SMYD3: variants seen among roughly 807,000 people sequenced by gnomAD.
The protein encoded by SMYD3 is histone-lysine N-methyltransferase SMYD3.
A neutral mutation model predicts 57.7 loss-of-function variants in SMYD3; 36 were observed. The ratio of observed to expected loss-of-function variants is 0.62; its 90% CI spans 0.48 to 0.82. The LOEUF is 0.82. SMYD3 is among the 40% of genes least tolerant of loss of function. The pLI, the probability that SMYD3 is intolerant of heterozygous loss-of-function variation, is 0.00. For missense variants in SMYD3, 515 were observed against 538.8 expected, an observed-to-expected ratio of 0.96 and a Z score of 0.44; for synonymous variants, 211 against 195.0, an observed-to-expected ratio of 1.08 and a Z score of -0.68.
intron 1 of SMYD3, among the ~76,000 whole-genome samples, chr1:246,501,463 G>T (rs1181680461): frequency 6.6e-6 from 1 of 152,122 alleles, no homozygotes; most frequent in African/African-American, 2.4e-5. Flanking sequence ...CGTACCTGTT[G>T]TATCAAGACA....
At chr1:246,422,143 G>A (rs1403945615) in intron 1 of SMYD3, among the ~76,000 whole-genome samples, 1 of 152,142 alleles carries the variant, frequency 6.6e-6, no homozygotes, top group East Asian at 1.9e-4. Flanking sequence ...TTGATGATAA[G>A]CCACAGATCA....
chr1:246,265,306 ATT>A (rs78360899), intron 5 of SMYD3, among the ~76,000 whole-genome samples: 112 of 148,242 alleles, frequency 7.6e-4, no homozygotes, highest in East Asian at 2.6e-3. Flanking sequence ...TAATTTTTGT[ATT>A]TTTTTTTTTT....
At chr1:246,220,872 G>A (rs2063242811) in intron 5 of SMYD3, among the ~76,000 whole-genome samples, 1 of 152,168 alleles carries the variant, frequency 6.6e-6, no homozygotes, top group Admixed American at 6.5e-5. Flanking sequence ...ACAACCAGCT[G>A]CAGAGAGGAG....
chr1:246,384,253 C>A (rs2066433422), intron 1 of SMYD3, among the ~76,000 whole-genome samples: 1 of 152,066 alleles, frequency 6.6e-6, no homozygotes, highest in African/African-American at 2.4e-5. Flanking sequence ...AAAATCAGGT[C>A]TCATAAACCT....
In SMYD3 at chr1:246,444,956, G is replaced by C. The variant is rs939931922; in HGVS notation, c.164+62098C>G. ...AAAGTCTGGGGTTTGGATTCCACCTGTACTACTTACTAGCCATGTGACTTT... is the reference window on the plus strand; with the variant it reads ...AAAGTCTGGGGTTTGGATTCCACCTCTACTACTTACTAGCCATGTGACTTT... On this transcript the variant is annotated intron_variant, in intron 1 of 11. Coordinates refer to ENST00000490107, the MANE Select transcript of SMYD3 (RefSeq NM_001167740.2). Among the ~76,000 whole-genome samples the C allele has an allele frequency of 2.0e-5, 3 of 152,200 alleles. No homozygotes were observed. The East Asian group carries it at 5.8e-4, about 29-fold the overall frequency.
At chr1:246,482,504 C>T (rs760744716) in intron 1 of SMYD3, among the ~76,000 whole-genome samples, 1 of 152,052 alleles carries the variant, frequency 6.6e-6, no homozygotes, top group Non-Finnish European at 1.5e-5. Context: ...TGTCGCCTTT[C>T]CTGGCCTACG....
chr1:246,451,654 T>A (rs2067634102), intron 1 of SMYD3, among the ~76,000 whole-genome samples: 1 of 152,156 alleles, frequency 6.6e-6, no homozygotes, highest in African/African-American at 2.4e-5. Flanking sequence ...ATGTCATGAG[T>A]AGAAGGTGAT....
At chr1:246,347,678 C>A (rs572891723) in intron 2 of SMYD3, among the ~76,000 whole-genome samples, 3 of 152,246 alleles carry the variant, frequency 2.0e-5, no homozygotes, top group African/African-American at 4.8e-5. Flanking sequence ...GGATTAATTC[C>A]AGTATTTGAT....
At chr1:245,831,097 T>A (rs2049805824) in intron 10 of SMYD3, among the ~76,000 whole-genome samples, 1 of 152,168 alleles carries the variant, frequency 6.6e-6, no homozygotes, top group African/African-American at 2.4e-5. Context: ...ACTTCAGAAA[T>A]CCGGTTCCAC....
At chr1:245,789,822 C>T (rs2047192395) in intron 10 of SMYD3, among the ~76,000 whole-genome samples, 1 of 152,244 alleles carries the variant, frequency 6.6e-6, no homozygotes, top group Non-Finnish European at 1.5e-5. Context: ...ATTATAGCTC[C>T]TTACATACTA....
chr1:246,033,246 C>A (rs2059710905), intron 5 of SMYD3, among the ~76,000 whole-genome samples: 1 of 151,966 alleles, frequency 6.6e-6, no homozygotes, highest in South Asian at 2.1e-4. Flanking sequence ...AGGGCAACAA[C>A]CTGGATAAAT....
intron 5 of SMYD3, among the ~76,000 whole-genome samples, chr1:246,275,148 C>T (rs889106891): frequency 4.6e-5 from 7 of 152,146 alleles, no homozygotes; most frequent in Non-Finnish European, 1.0e-4. Flanking sequence ...ATACAATGCG[C>T]AAGAGCAGGG....
At chr1:246,307,291 T>C (rs1420240398) in intron 5 of SMYD3, among the ~76,000 whole-genome samples, 1 of 152,148 alleles carries the variant, frequency 6.6e-6, no homozygotes, top group Non-Finnish European at 1.5e-5. Flanking sequence ...TCTCTTCATG[T>C]CTTTCTAAAA....
intron 5 of SMYD3, among the ~76,000 whole-genome samples, chr1:246,321,411 T>A (rs528738676): frequency 6.6e-6 from 1 of 152,324 alleles, no homozygotes; most frequent in African/African-American, 2.4e-5. Context: ...CATTTACAGA[T>A]AAGAAAATTG....
At chr1:245,894,036 A>C (rs2053573077) in intron 8 of SMYD3, among the ~76,000 whole-genome samples, 2 of 152,198 alleles carry the variant, frequency 1.3e-5, no homozygotes, top group Non-Finnish European at 2.9e-5. Flanking sequence ...CATACAGAGA[A>C]GTCTGCAGAG....
At chr1:246,443,348 T>C (rs774070505) in intron 1 of SMYD3, among the ~76,000 whole-genome samples, 2 of 152,220 alleles carry the variant, frequency 1.3e-5, no homozygotes, top group Non-Finnish European at 2.9e-5. Flanking sequence ...TACTATAAAT[T>C]AGCTGAATCT....
At chr1:246,396,795 T>C (rs1043240796) in intron 1 of SMYD3, among the ~76,000 whole-genome samples, 3 of 152,224 alleles carry the variant, frequency 2.0e-5, no homozygotes, top group Admixed American at 6.5e-5. Context: ...ACTATGATTG[T>C]ATGTTTCCCA....
chr1:245,775,474 G>A (rs1280902883), intron 10 of SMYD3, among the ~76,000 whole-genome samples: 1 of 151,032 alleles, frequency 6.6e-6, no homozygotes, highest in African/African-American at 2.5e-5. Context: ...GATTAAGGGC[G>A]GTGCAAGATG....
chr1:246,376,436 C>CA (rs1435850212), intron 1 of SMYD3, among the ~76,000 whole-genome samples: 1 of 151,032 alleles, frequency 6.6e-6, no homozygotes, highest in East Asian at 2.0e-4. Flanking sequence ...ACTAAAAATA[C>CA]AAAAATTAGC....
Sources: gnomAD v4.1 joint callset for allele counts (sites outside exome capture counted in the v4.1 genomes callset) on GRCh38, gnomAD v4.1.1 for gene constraint, MANE v1.5 for transcripts, NCBI Gene and HGNC (gene_info 2026-07-23, HGNC 2026-07-21) for gene names.